PAK3: variants seen among roughly 807,000 people sequenced by gnomAD.
PAK3 encodes the protein serine/threonine-protein kinase PAK 3.
A neutral mutation model predicts 41.0 loss-of-function variants in PAK3; 4 were observed. That is an observed-to-expected ratio of 0.10 (90% CI 0.05 to 0.22). The LOEUF (loss-of-function observed/expected upper bound fraction) is 0.22. Among genes scored for constraint, PAK3 ranks in the 10% least tolerant of loss-of-function variants. The pLI is 1.00. For synonymous variants in PAK3, 146 were observed against 139.6 expected (o/e 1.05, Z -0.32); for missense variants, 205 against 409.9 (o/e 0.50, Z 4.32).
chrX:110,996,865 C>T (rs181650711), intron 1 of PAK3, among the ~76,000 whole-genome samples: 134 of 111,607 alleles, frequency 1.2e-3, no homozygotes, highest in African/African-American at 4.2e-3. Context: ...TTATGGCAGT[C>T]CAAGCACATT....
intron 7 of PAK3, among the ~76,000 whole-genome samples, chrX:111,150,106 G>T (rs1421191019): frequency 1.8e-5 from 2 of 111,629 alleles, no homozygotes; most frequent in Non-Finnish European, 3.8e-5. Context: ...TAGGGCAGGG[G>T]CAAAATGCTG....
intron 10 of PAK3, among the ~76,000 whole-genome samples, chrX:111,169,048 C>G (rs1376229451): frequency 9.0e-6 from 1 of 111,612 alleles, no homozygotes; most frequent in Middle Eastern, 4.2e-3. Flanking sequence ...TTCTCCAACC[C>G]TTGCCTTAAA....
At chrX:111,115,364 C>A (rs2093444089) in intron 4 of PAK3, among the ~76,000 whole-genome samples, 1 of 111,061 alleles carries the variant, frequency 9.0e-6, no homozygotes, top group Non-Finnish European at 1.9e-5. Context: ...TTTAAAATAC[C>A]CATGCCAGTT....
intron 16 of PAK3, among the ~76,000 whole-genome samples, chrX:111,214,272 T>C (rs775312713): frequency 8.9e-6 from 1 of 112,039 alleles, no homozygotes; most frequent in African/African-American, 3.2e-5. Flanking sequence ...ATGTGTGAAT[T>C]GGGCTCCAGG....
At chrX:110,973,541 C>A (rs2091257668) in intron 1 of PAK3, among the ~76,000 whole-genome samples, 1 of 111,943 alleles carries the variant, frequency 8.9e-6, no homozygotes, top group Non-Finnish European at 1.9e-5. Context: ...ACCAGGCCTG[C>A]CTTACAAGAG....
chrX:111,118,621 T>A (rs962410833), intron 4 of PAK3, among the ~76,000 whole-genome samples: 4 of 110,935 alleles, frequency 3.6e-5, no homozygotes, highest in African/African-American at 1.3e-4. Flanking sequence ...TGGCTGGTGG[T>A]TTTGGAGATT....
intron 5 of PAK3, among the ~76,000 whole-genome samples, chrX:111,124,923 T>C (rs1478896616): frequency 8.9e-6 from 1 of 111,981 alleles, no homozygotes; most frequent in Admixed American, 9.4e-5. Context: ...TTCAGTCTAT[T>C]TGGTGCTTCA....
intron 1 of PAK3, among the ~76,000 whole-genome samples, chrX:110,999,589 A>C (rs1328803206): frequency 2.8e-5 from 3 of 108,884 alleles, no homozygotes; most frequent in African/African-American, 1.0e-4. Context: ...GGGCCTGTAG[A>C]CTCAGCCACT....
chrX:111,007,810 C>T (rs1445385220), intron 1 of PAK3, among the ~76,000 whole-genome samples: 1 of 111,491 alleles, frequency 9.0e-6, no homozygotes, highest in Non-Finnish European at 1.9e-5. Flanking sequence ...AAATCGAGGC[C>T]AACTAGTGTG....
At chrX:111,095,799 G>A (rs2092972231), upstream of PAK3, among the ~76,000 whole-genome samples, 1 of 111,102 alleles carries the variant, frequency 9.0e-6, no homozygotes, top group Non-Finnish European at 1.9e-5. Context: ...CGAATAAAGT[G>A]TGCCCGTGTA....
chrX:111,051,369 G>A (rs1398730916), intron 1 of PAK3, among the ~76,000 whole-genome samples: 8 of 111,470 alleles, frequency 7.2e-5, no homozygotes, highest in Admixed American at 6.6e-4. Context: ...CTTGTCTAGC[G>A]GAAGCCTTTC....
At chrX:110,961,275 C>A (rs990432229) in intron 1 of PAK3, among the ~76,000 whole-genome samples, 2 of 111,605 alleles carry the variant, frequency 1.8e-5, no homozygotes, top group African/African-American at 6.5e-5. Flanking sequence ...GAGCAGAAAA[C>A]CAAATCTCAA....
At chrX:111,070,158 C>T (rs2092731400) in intron 1 of PAK3, among the ~76,000 whole-genome samples, 2 of 111,478 alleles carry the variant, frequency 1.8e-5, no homozygotes, top group Admixed American at 1.9e-4. Context: ...AAAAACAGAC[C>T]TTCAGCTGTG....
chrX:111,157,458 G>A (rs1291791804), intron 8 of PAK3, among the ~76,000 whole-genome samples: 2 of 111,377 alleles, frequency 1.8e-5, no homozygotes, highest in Non-Finnish European at 3.8e-5. Flanking sequence ...CGGGGAGATA[G>A]ACCAAACCCT....
chrX:111,008,173 T>C (rs1019586790), intron 1 of PAK3, among the ~76,000 whole-genome samples: 6 of 112,501 alleles, frequency 5.3e-5, no homozygotes, highest in Non-Finnish European at 7.5e-5. Context: ...TCCTACTTGC[T>C]AGTTGTGCAA....
At chrX:111,077,276 A>G (rs772305410) in intron 1 of PAK3, among the ~76,000 whole-genome samples, 63 of 111,717 alleles carry the variant, frequency 5.6e-4, no homozygotes, top group South Asian at 1.1e-3. Context: ...TCAAAATTCC[A>G]ATGATATTTT....
intron 5 of PAK3, among the ~76,000 whole-genome samples, chrX:111,134,905 G>A (rs925496784): frequency 3.6e-5 from 4 of 111,762 alleles, no homozygotes; most frequent in African/African-American, 9.8e-5. Flanking sequence ...GAGAGTGGGA[G>A]AGGGGTAGAG....
intron 1 of PAK3, among the ~76,000 whole-genome samples, chrX:111,065,382 A>T (rs1285804154): frequency 1.8e-5 from 2 of 110,715 alleles, no homozygotes; most frequent in Non-Finnish European, 3.8e-5. Context: ...TGTCAAACCA[A>T]CCTTGCATGC....
intron 1 of PAK3, among the ~76,000 whole-genome samples, chrX:111,002,226 C>G (rs753220980): frequency 2.2e-4 from 24 of 111,446 alleles, no homozygotes; most frequent in Non-Finnish European, 3.8e-4. Context: ...ACAATAACAC[C>G]ATGAAGTAGG....
Sources: gnomAD v4.1 joint callset for allele counts (sites outside exome capture counted in the v4.1 genomes callset) on GRCh38, gnomAD v4.1.1 for gene constraint, MANE v1.5 for transcripts, NCBI Gene and HGNC (gene_info 2026-07-23, HGNC 2026-07-21) for gene names.